Variants in NLRC5 observed in about 807,000 individuals in gnomAD.
The protein encoded by NLRC5 is NLR family CARD domain containing 5, also known as protein NLRC5.
A neutral mutation model predicts 206.9 loss-of-function variants in NLRC5; 114 were observed. That is an observed-to-expected ratio of 0.55 (90% CI 0.47 to 0.64). The LOEUF is 0.64. NLRC5 is among the 30% of genes least tolerant of loss of function. The probability of loss-of-function intolerance (pLI) is 0.00; values close to 1 mark genes in which losing one functional copy is unlikely to be tolerated. For synonymous variants in NLRC5, 952 were observed against 962.8 expected (o/e 0.99, Z 0.21); for missense variants, 2,008 against 2,305.5 (o/e 0.87, Z 2.64).
At chr16:57,050,585 G>T (rs1446812799) in intron 23 of NLRC5, among the ~76,000 whole-genome samples, 2 of 152,244 alleles carry the variant, frequency 1.3e-5, no homozygotes, top group Non-Finnish European at 2.9e-5. Context: ...AGGCCCCCCA[G>T]GAAGGGGCTG....
chr16:57,045,658 A>G (rs544848991), intron 21 of NLRC5, among the ~76,000 whole-genome samples, 166 bp downstream of exon 21: 1 of 147,244 alleles, frequency 6.8e-6, no homozygotes, highest in Admixed American at 6.7e-5. Context: ...CGCCCCCCCC[A>G]TAAATTGTCA....
At chr16:57,028,252 CG>C (rs1567559126) in intron 7 of NLRC5, 49 bp from the exon 8 acceptor site, 1 of 1,589,074 alleles carries the variant, frequency 6.3e-7, no homozygotes, top group South Asian at 1.1e-5. Flanking sequence ...TTCCTGGCCC[CG>C]CCCTTTTCCC....
chr16:57,081,649 G>A lies in NLRC5; in HGVS notation c.5489+39G>A, dbSNP rs371296404. On this transcript the variant is annotated intron_variant, in intron 48 of 48. Transcript: ENST00000688547. ...GCAGGGGCAGGGATGGTGGGTGGGA[G>A]GCTACACCAACCCCCAGATCTAATG... is the stretch of plus-strand genomic sequence containing the variant. The A allele has an allele frequency of 3.9e-5, 61 of 1,550,664 alleles. 1 individual carries two copies. In the East Asian group the frequency reaches 5.6e-4, roughly 14 times the overall value.
At chr16:57,037,758 C>A (rs1183448055) in intron 15 of NLRC5, among the ~76,000 whole-genome samples, 1 of 152,196 alleles carries the variant, frequency 6.6e-6, no homozygotes, top group South Asian at 2.1e-4. Flanking sequence ...CCAGGCTCTG[C>A]CACTAGGGAA....
chr16:57,058,026 G>T, intron 27 of NLRC5, 39 bp from the exon 28 acceptor site: 1 of 1,527,606 alleles, frequency 6.5e-7, no homozygotes, highest in Non-Finnish European at 9.0e-7. Context: ...GGCTGAGGAG[G>T]CACCTCTGAT....
At chr16:57,010,015 A>C (rs2142555285) in intron 1 of NLRC5, among the ~76,000 whole-genome samples, 1 of 152,328 alleles carries the variant, frequency 6.6e-6, no homozygotes, top group Admixed American at 6.5e-5. Flanking sequence ...CAGTAGAGGA[A>C]GCAAGATTCT....
chr16:57,046,040 G>T (rs774245643), intron 21 of NLRC5, among the ~76,000 whole-genome samples: 1 of 152,270 alleles, frequency 6.6e-6, no homozygotes, highest in Non-Finnish European at 1.5e-5. Context: ...CCCATGTGCA[G>T]CTGGCTGGGT....
intron 3 of NLRC5, 143 bp from the exon 4 acceptor site, chr16:57,022,113 A>G (rs2060736730): frequency 1.6e-6 from 1 of 612,402 alleles, no homozygotes; most frequent in Admixed American, 3.2e-5. Context: ...TTTCTCCACA[A>G]CAGATAACTG....
chr16:57,002,639 T>G (rs2058397985), intron 1 of NLRC5, among the ~76,000 whole-genome samples: 1 of 101,456 alleles, frequency 9.9e-6, no homozygotes, highest in Non-Finnish European at 1.8e-5. Context: ...AGTTTAGTTT[T>G]TTTTTGTTTT....
intron 12 of NLRC5, 90 bp from the exon 13 acceptor site, chr16:57,034,078 C>T (rs2143052707): frequency 1.9e-6 from 2 of 1,045,778 alleles, no homozygotes; most frequent in South Asian, 1.4e-5. Flanking sequence ...GGTCTGTGGG[C>T]CCCCTGACTC....
At chr16:57,079,475 G>A in intron 45 of NLRC5, 71 bp from the exon 46 acceptor site, 1 of 1,446,386 alleles carries the variant, frequency 6.9e-7, no homozygotes, top group Non-Finnish European at 9.7e-7. Flanking sequence ...TGGTGGCTCT[G>A]GAGGCAGGAC....
chr16:57,007,268 C>T lies in NLRC5; in HGVS notation c.-127-9806C>T, dbSNP rs1211910065. 7.9e-5 allele frequency among the ~76,000 whole-genome samples: 12 copies of T among 152,210 alleles called. No homozygotes were observed. The South Asian group carries it at 2.3e-3, about 29-fold the overall frequency. On this transcript the variant is annotated intron_variant, in intron 1 of 48. Coordinates refer to ENST00000688547, the MANE Select transcript of NLRC5 (RefSeq NM_001384950.1). ...TTAAAATATACACACTCCACGTCCA[C>T]GTGGAATGATGCAAAGCATCTAAGT... is the stretch of plus-strand genomic sequence containing the variant.
At position 57,025,765 on chromosome 16, in the gene NLRC5, C is replaced by G. The variant is rs201944671; in HGVS notation, c.822C>G (p.Ser274=). 1.2e-6 allele frequency: 2 copies of G among 1,614,218 alleles called. No homozygotes were observed. Among genetic ancestry groups the G allele is most frequent in the Non-Finnish European group, 8.5e-7 (1 of 1,180,032 alleles). The change falls in exon 6 of 49, where the codon TCC becomes TCG. Residue 274 remains serine, a synonymous_variant. Coordinates refer to ENST00000688547, the MANE Select transcript of NLRC5 (RefSeq NM_001384950.1). ...TGATCACGAGGTTCCTGACACCGTC[C>G]GAGCTCCTTTTTGATCTGTACCTGA... is the stretch of plus-strand genomic sequence containing the variant. ...LNLITRFLTP[S]ELLFDLYLSP... is the part of the protein sequence containing the mutation.
At chr16:57,052,112 A>G (rs2065002181) in intron 24 of NLRC5, among the ~76,000 whole-genome samples, 1 of 152,220 alleles carries the variant, frequency 6.6e-6, no homozygotes, top group Admixed American at 6.5e-5. Context: ...CAAAAAGGGA[A>G]TTTAAGCAGA....
chr16:57,043,652 C>T (rs773405436), intron 20 of NLRC5, 48 bp downstream of exon 20: 2 of 1,470,348 alleles, frequency 1.4e-6, no homozygotes, highest in Middle Eastern at 1.7e-4. Context: ...CCCCATCCCA[C>T]AGGTCATCTG....
chr16:57,082,408 GC>G lies in NLRC5; in HGVS notation c.5490-5del, dbSNP rs746111899. 1.3e-5 allele frequency: 21 copies of G among 1,599,894 alleles called. No individual in the cohort carries two copies. The highest frequency in any genetic ancestry group is 1.8e-5 in the Non-Finnish European group (21 of 1,169,116). ...AGGATGAATGAGTGCCTATATCTGT[GC>G]CCCACAGCCTCTGGAATAACCCCAT... is the stretch of plus-strand genomic sequence containing the variant. On this transcript the variant is annotated splice_region_variant and splice_polypyrimidine_tract_variant and intron_variant, in intron 48 of 48. Coordinates refer to ENST00000688547, the MANE Select transcript of NLRC5 (RefSeq NM_001384950.1).
At chr16:56,999,059 G>A (rs1374300897) in intron 1 of NLRC5, among the ~76,000 whole-genome samples, 7 of 152,214 alleles carry the variant, frequency 4.6e-5, no homozygotes, top group Non-Finnish European at 2.9e-5. Context: ...GCCCTTTTCC[G>A]GGTTGCCGAT....
rs75492827 is a variant in NLRC5 at position 57,027,647 on chromosome 16, G to C, written c.2076-425G>C. 3.3e-3 allele frequency among the ~76,000 whole-genome samples: 107 copies of C among 32,904 alleles called. 1 individual carries two copies. In the East Asian group the frequency reaches 0.048, roughly 15 times the overall value. 21.6% of individuals were successfully genotyped at this position (32,904 alleles called of 152,430 possible). ...CAGGTACCCAGGTCCCTCCCATTTT[G>C]CTCCATTATCCCCTTGGGAATCCTA... On this transcript the variant is annotated intron_variant, in intron 6 of 48. Transcript: ENST00000688547.
At chr16:57,038,277 G>A (rs761288621) in intron 15 of NLRC5, among the ~76,000 whole-genome samples, 3 of 152,136 alleles carry the variant, frequency 2.0e-5, no homozygotes, top group Non-Finnish European at 2.9e-5. Context: ...AATTTCTTTA[G>A]AGACAGGATC....
Sources: gnomAD v4.1 joint callset for allele counts (sites outside exome capture counted in the v4.1 genomes callset) on GRCh38, gnomAD v4.1.1 for gene constraint, MANE v1.5 for transcripts, NCBI Gene and HGNC (gene_info 2026-07-23, HGNC 2026-07-21) for gene names.